The following KCNH1 variants were observed in gnomAD, a reference collection of about 807,000 sequenced individuals.
KCNH1 encodes potassium voltage-gated channel subfamily H member 1, also known as voltage-gated delayed rectifier potassium channel KCNH1.
In KCNH1, 27 loss-of-function variants were observed where a neutral mutation model predicts 69.2. That is an observed-to-expected ratio of 0.39 (90% CI 0.29 to 0.54). The LOEUF is 0.54. Among genes scored for constraint, KCNH1 ranks in the 20% least tolerant of loss-of-function variants. The pLI, the probability that KCNH1 is intolerant of heterozygous loss-of-function variation, is 0.68. For missense variants in KCNH1, 798 were observed against 1,261.6 expected (o/e 0.63, Z 5.57); for synonymous variants, 456 against 487.7 (o/e 0.93, Z 0.86).
chr1:210,896,540 A>G (rs753542214), intron 7 of KCNH1, among the ~76,000 whole-genome samples: 1 of 152,224 alleles, frequency 6.6e-6, no homozygotes, highest in Non-Finnish European at 1.5e-5. Flanking sequence ...CAGTAAGCAG[A>G]CAGAATAAGT....
At chr1:211,028,652 G>T (rs760152384) in intron 5 of KCNH1, among the ~76,000 whole-genome samples, 1 of 151,728 alleles carries the variant, frequency 6.6e-6, no homozygotes, top group Non-Finnish European at 1.5e-5. Context: ...TAAAAATAAG[G>T]TAATGTTACA....
intron 3 of KCNH1, among the ~76,000 whole-genome samples, chr1:211,094,787 C>T (rs1691116263): frequency 6.6e-6 from 1 of 152,190 alleles, no homozygotes; most frequent in Non-Finnish European, 1.5e-5. Flanking sequence ...GTAGAATGGG[C>T]TTAAATTTTC....
chr1:210,996,591 C>T (rs1008726850), intron 6 of KCNH1, among the ~76,000 whole-genome samples: 5 of 152,350 alleles, frequency 3.3e-5, no homozygotes, highest in East Asian at 1.9e-4. Flanking sequence ...CAGCAGTAAC[C>T]TCTGCAGACT....
At chr1:211,033,733 G>T (rs1689838680) in intron 5 of KCNH1, among the ~76,000 whole-genome samples, 2 of 151,844 alleles carry the variant, frequency 1.3e-5, no homozygotes, top group Non-Finnish European at 2.9e-5. Context: ...ATGGACACAG[G>T]AAGGGGAACA....
At chr1:211,009,055 G>T (rs1317701126) in intron 6 of KCNH1, among the ~76,000 whole-genome samples, 1 of 152,150 alleles carries the variant, frequency 6.6e-6, no homozygotes, top group Non-Finnish European at 1.5e-5. Context: ...GTACCCCAAG[G>T]CCAGCAAGAG....
chr1:210,761,747 C>G (rs1490055843), intron 10 of KCNH1, among the ~76,000 whole-genome samples: 1 of 152,168 alleles, frequency 6.6e-6, no homozygotes, highest in Non-Finnish European at 1.5e-5. Context: ...ATTTATAAGA[C>G]TATTATTTCT....
Position 210,684,142 on chromosome 1 carries a change from GA to G in KCNH1, c.2113-5del. The G allele has an allele frequency of 1.1e-6, 1 of 872,416 alleles. No individual in the cohort carries two copies. The allele number at this position is 872,416 out of a possible 1,614,324, so 54.0% of individuals were successfully genotyped here. A position where few individuals can be genotyped will look rare whatever the true frequency, so the allele number is the denominator to read the frequency against. ...CGCTGATCTTCCGGAACACAATCTGGAGAGAGAGAGAGAGAGAATGACATGG... is the reference window on the plus strand; with the variant it reads ...CGCTGATCTTCCGGAACACAATCTGGGAGAGAGAGAGAGAGAATGACATGG... On this transcript the variant is annotated splice_region_variant and splice_polypyrimidine_tract_variant and intron_variant, in intron 10 of 10. Coordinates refer to ENST00000271751, the MANE Select transcript of KCNH1 (RefSeq NM_172362.3).
At chr1:210,733,709 A>G (rs1407745614) in intron 10 of KCNH1, among the ~76,000 whole-genome samples, 2 of 152,154 alleles carry the variant, frequency 1.3e-5, no homozygotes, top group East Asian at 3.9e-4. Context: ...AAGGGAGAAC[A>G]GGTGCTTCTG....
intron 6 of KCNH1, among the ~76,000 whole-genome samples, chr1:210,930,300 C>T (rs1360628865): frequency 6.6e-6 from 1 of 152,014 alleles, no homozygotes. Context: ...ATAAGGCCAT[C>T]GTCACCAAAA....
chr1:210,911,524 A>G (rs1049181832), intron 7 of KCNH1, among the ~76,000 whole-genome samples: 1 of 151,784 alleles, frequency 6.6e-6, no homozygotes, highest in Non-Finnish European at 1.5e-5. Flanking sequence ...AACCTGCACA[A>G]TGTGCACATG....
chr1:210,961,888 C>G (rs1688302136), intron 6 of KCNH1, among the ~76,000 whole-genome samples: 1 of 152,088 alleles, frequency 6.6e-6, no homozygotes, highest in East Asian at 1.9e-4. Flanking sequence ...TGTTTTAATG[C>G]CTTGTCTGAT....
In KCNH1 at chr1:210,918,175, A is replaced by G. The variant is rs1416468849; in HGVS notation, c.1462+1465T>C. ...GCAGCAAATGTGACAATTTGAGGTA[A>G]CAAAATCCACTCACAAAGCGGGATG... On this transcript the variant is annotated intron_variant, in intron 7 of 10. Coordinates refer to ENST00000271751, the MANE Select transcript of KCNH1 (RefSeq NM_172362.3). Among the ~76,000 whole-genome samples the G allele has an allele frequency of 2.6e-5, 4 of 152,232 alleles. No individual in the cohort carries two copies. In the East Asian group the frequency reaches 7.7e-4, roughly 29 times the overall value.
At chr1:210,805,410 T>C (rs970649755) in intron 7 of KCNH1, among the ~76,000 whole-genome samples, 3 of 152,166 alleles carry the variant, frequency 2.0e-5, no homozygotes, top group African/African-American at 7.2e-5. Context: ...AGTGAACATA[T>C]CCATCACCAC....
At chr1:210,990,141 C>G (rs547473493) in intron 6 of KCNH1, among the ~76,000 whole-genome samples, 1 of 152,212 alleles carries the variant, frequency 6.6e-6, no homozygotes, top group African/African-American at 2.4e-5. Context: ...TAACTAATTA[C>G]AGCAGCATCT....
intron 6 of KCNH1, among the ~76,000 whole-genome samples, chr1:210,939,182 T>C (rs1030184339): frequency 6.6e-5 from 10 of 152,168 alleles, no homozygotes; most frequent in Non-Finnish European, 1.2e-4. Flanking sequence ...TTTTAAGCAC[T>C]AATAAACCGG....
chr1:210,797,952 G>A (rs1490522621), intron 8 of KCNH1, among the ~76,000 whole-genome samples, 192 bp from the exon 9 acceptor site: 1 of 151,904 alleles, frequency 6.6e-6, no homozygotes, highest in Non-Finnish European at 1.5e-5. Context: ...TGTGCTGAAT[G>A]TTCAGGACAG....
chr1:210,833,621 C>A (rs1266848082), intron 7 of KCNH1, among the ~76,000 whole-genome samples: 1 of 151,852 alleles, frequency 6.6e-6, no homozygotes, highest in Non-Finnish European at 1.5e-5. Context: ...GACATAGGCA[C>A]GGGCAAGGAC....
chr1:211,105,830 G>C (rs1691339354), intron 2 of KCNH1, among the ~76,000 whole-genome samples: 1 of 152,114 alleles, frequency 6.6e-6, no homozygotes, highest in Non-Finnish European at 1.5e-5. Context: ...AGCACACAAA[G>C]AATGTAAGAT....
intron 7 of KCNH1, among the ~76,000 whole-genome samples, chr1:210,917,964 T>G (rs1687382456): frequency 6.6e-6 from 1 of 152,156 alleles, no homozygotes; most frequent in South Asian, 2.1e-4. Flanking sequence ...GGCAATTATC[T>G]CTATTAAAAC....
Sources: allele counts gnomAD v4.1 joint callset (sites outside exome capture counted in the v4.1 genomes callset), GRCh38; gene constraint gnomAD v4.1.1; transcripts MANE v1.5; gene names NCBI Gene and HGNC (gene_info 2026-07-23, HGNC 2026-07-21).